The following SLC44A1 variants were observed in gnomAD, a reference collection of about 807,000 sequenced individuals.
SLC44A1 encodes the protein choline transporter-like protein 1.
Under a neutral mutation model 79.3 loss-of-function variants are expected in SLC44A1, and 26 were observed. The observed-to-expected ratio is 0.33, with a 90% confidence interval of 0.24 to 0.46. SLC44A1 has a LOEUF of 0.46. Among genes scored for constraint, SLC44A1 ranks in the 20% least tolerant of loss-of-function variants. The probability of loss-of-function intolerance (pLI) is 1.00; values close to 1 mark genes in which losing one functional copy is unlikely to be tolerated. For missense variants in SLC44A1, 688 were observed against 798.1 expected (o/e 0.86, Z 1.66); for synonymous variants, 263 against 286.2 (o/e 0.92, Z 0.82).
intron 5 of SLC44A1, among the ~76,000 whole-genome samples, chr9:105,349,887 G>C (rs1424040894): frequency 2.0e-5 from 3 of 152,100 alleles, no homozygotes; most frequent in Non-Finnish European, 4.4e-5. Flanking sequence ...AGCTCATCCT[G>C]CACATCCTTC....
At position 105,362,922 on chromosome 9, in the gene SLC44A1, A is replaced by G. The variant is rs1827825008; in HGVS notation, c.1002A>G (p.Leu334=). ...AGKVFIHLPL[L]VFQPFWTFFA... is the part of the protein sequence containing the mutation. ...AGGTCTTCATTCACTTGCCACTGCTAGTCTTCCAACCCTTCTGGACTTTCT... is the reference window on the plus strand; with the variant it reads ...AGGTCTTCATTCACTTGCCACTGCTGGTCTTCCAACCCTTCTGGACTTTCT... The change falls in exon 9 of 16, where the codon CTA becomes CTG. Residue 334 remains leucine (L), a synonymous_variant. Transcript: ENST00000374720. 6.2e-7 allele frequency: 1 copy of G among 1,613,918 alleles called. No individual in the cohort carries two copies. Among genetic ancestry groups the G allele is most frequent in the Non-Finnish European group, 8.5e-7 (1 of 1,179,868 alleles).
intron 2 of SLC44A1, among the ~76,000 whole-genome samples, chr9:105,300,377 A>C (rs1021403299): frequency 6.6e-6 from 1 of 152,114 alleles, no homozygotes; most frequent in Non-Finnish European, 1.5e-5. Flanking sequence ...ACTCATGTGT[A>C]TTTTTAACCC....
chr9:105,254,914 T>A (rs1829668415), intron 1 of SLC44A1, among the ~76,000 whole-genome samples: 1 of 152,218 alleles, frequency 6.6e-6, no homozygotes, highest in African/African-American at 2.4e-5. Flanking sequence ...GTCTCACTTC[T>A]GTCTGTGTTT....
At chr9:105,247,211 T>C (rs1829477550) in intron 1 of SLC44A1, among the ~76,000 whole-genome samples, 1 of 152,208 alleles carries the variant, frequency 6.6e-6, no homozygotes, top group South Asian at 2.1e-4. Flanking sequence ...ATACTGTTGT[T>C]CCTATATGTG....
rs935027366 is a variant in SLC44A1, at chr9:105,336,118, ATG to A, written c.406+432_406+433del. Among the ~76,000 whole-genome samples the A allele has an allele frequency of 1.1e-4, 16 of 147,498 alleles. 1 individual carries two copies. The South Asian group carries it at 1.5e-3, about 14-fold the overall frequency. On this transcript the variant is annotated intron_variant, in intron 4 of 15. Transcript: ENST00000374720. ...GTTGAAACAATATATATACATACAT[ATG>A]TGTGTGTGTGTGCATGTGTGTGTGT... is the stretch of plus-strand genomic sequence containing the variant.
chr9:105,250,477 C>T (rs72744226), intron 1 of SLC44A1, among the ~76,000 whole-genome samples: 1,616 of 152,322 alleles, frequency 0.011, 19 homozygotes, highest in Middle Eastern at 0.02. Context: ...CTATGCTCCC[C>T]TTTCCCCTGC....
At chr9:105,269,883 C>G (rs554156560) in intron 1 of SLC44A1, among the ~76,000 whole-genome samples, 11 of 152,230 alleles carry the variant, frequency 7.2e-5, no homozygotes, top group Non-Finnish European at 1.2e-4. Flanking sequence ...TAAACTCTCT[C>G]GTCTTAGTGT....
At chr9:105,417,839 C>CAAAAAAAAAAAAAAAAAAAAAAAAAAAAA (rs146589405) in intron 15 of SLC44A1, among the ~76,000 whole-genome samples, 1 of 57,910 alleles carries the variant, frequency 1.7e-5, no homozygotes, top group Non-Finnish European at 4.3e-5. Flanking sequence ...CTCATCCCTA[C>CAAAAAAAAAAAAAAAAAAAAAAAAAAAAA]AAAAAAAAAA....
intron 1 of SLC44A1, among the ~76,000 whole-genome samples, chr9:105,252,275 A>T (rs1269726036): frequency 6.6e-6 from 1 of 152,148 alleles, no homozygotes; most frequent in East Asian, 1.9e-4. Flanking sequence ...GAGTTGATGA[A>T]GAGAGGGGCC....
chr9:105,389,020 C>T lies in SLC44A1; in HGVS notation c.1951-13C>T. 2 of 1,607,290 alleles carry T rather than the reference C, an allele frequency of 1.2e-6. No individual in the cohort carries two copies. Among genetic ancestry groups the T allele is most frequent in the South Asian group, 2.2e-5 (2 of 90,900 alleles). On this transcript the variant is annotated splice_polypyrimidine_tract_variant and intron_variant, in intron 15 of 15. Coordinates refer to ENST00000374720, the MANE Select transcript of SLC44A1 (RefSeq NM_080546.5). ...TTGTCTAAGATTATACTCTGTATGA[C>T]TTTGTTTTCTAGGCTTCGGGAGCAA...
intron 2 of SLC44A1, among the ~76,000 whole-genome samples, chr9:105,309,131 G>A (rs1316199732): frequency 6.6e-6 from 1 of 152,184 alleles, no homozygotes; most frequent in East Asian, 1.9e-4. Context: ...ATTGCAGGAA[G>A]GAAACAGAAG....
chr9:105,416,925 G>C (rs1829178829), intron 15 of SLC44A1, among the ~76,000 whole-genome samples: 1 of 152,218 alleles, frequency 6.6e-6, no homozygotes, highest in Non-Finnish European at 1.5e-5. Context: ...TATTAATTGA[G>C]AATTTCATGC....
At chr9:105,307,381 C>T (rs1299978255) in intron 2 of SLC44A1, among the ~76,000 whole-genome samples, 3 of 152,086 alleles carry the variant, frequency 2.0e-5, no homozygotes, top group Non-Finnish European at 4.4e-5. Flanking sequence ...CGGTGGCTCA[C>T]GCATGTAATC....
At chr9:105,245,178 G>A (rs1168981585) in intron 1 of SLC44A1, among the ~76,000 whole-genome samples, 2 of 151,316 alleles carry the variant, frequency 1.3e-5, no homozygotes, top group Non-Finnish European at 2.9e-5. Context: ...CCTCCTCCCA[G>A]TCACACCTGA....
chr9:105,276,307 T>C (rs1296205603), intron 1 of SLC44A1, among the ~76,000 whole-genome samples: 2 of 152,178 alleles, frequency 1.3e-5, no homozygotes, highest in Non-Finnish European at 2.9e-5. Flanking sequence ...AAGATTAAGG[T>C]GACTGAAGAG....
intron 15 of SLC44A1, among the ~76,000 whole-genome samples, chr9:105,425,683 C>T (rs186319526): frequency 1.3e-5 from 2 of 152,038 alleles, no homozygotes; most frequent in South Asian, 2.1e-4. Context: ...ATTAGCCGGG[C>T]GTGATGGCGG....
chr9:105,297,470 G>A (rs1032541249), intron 1 of SLC44A1, among the ~76,000 whole-genome samples: 26 of 152,082 alleles, frequency 1.7e-4, no homozygotes, highest in East Asian at 5.8e-4. Context: ...CACAACCTCC[G>A]CCTCCCGGGT....
In SLC44A1 at chr9:105,244,895, C is replaced by T. The variant is rs1186676180; in HGVS notation, c.27C>T (p.Ser9=). 1.7e-6 allele frequency: 2 copies of T among 1,180,580 alleles called. No homozygotes were observed. The highest frequency in any genetic ancestry group is 7.5e-5 in the East Asian group (2 of 26,794). The allele number at this position is 1,180,580 out of a possible 1,614,324, so 73.1% of individuals were successfully genotyped here. A position where few individuals can be genotyped will look rare whatever the true frequency, so the allele number is the denominator to read the frequency against. The change falls in exon 1 of 16, where the codon TCC becomes TCT. Residue 9 remains serine, a synonymous_variant. Coordinates refer to ENST00000374720, the MANE Select transcript of SLC44A1 (RefSeq NM_080546.5). The stretch of plus-strand genomic sequence containing the variant: ...TGGGCTGCTGCAGCTCCGCCTCCTC[C>T]GCCGCGCAGGTGAGGGGCTCCCGCC... The part of the protein sequence containing the change: MGCCSSAS[S]AAQSSKREWK...
At chr9:105,316,659 T>C (rs946824063) in intron 3 of SLC44A1, among the ~76,000 whole-genome samples, 5 of 152,150 alleles carry the variant, frequency 3.3e-5, no homozygotes, top group African/African-American at 9.6e-5. Flanking sequence ...ACAAAATACA[T>C]AGAGAAATTA....
Sources: gnomAD v4.1 joint callset for allele counts (sites outside exome capture counted in the v4.1 genomes callset) on GRCh38, gnomAD v4.1.1 for gene constraint, MANE v1.5 for transcripts, NCBI Gene and HGNC (gene_info 2026-07-23, HGNC 2026-07-21) for gene names.